The following SLC71A2 variants were observed in gnomAD, a reference collection of about 807,000 sequenced individuals.
The protein encoded by SLC71A2 is solute carrier family 71 member 2.
the SLC71A2 span, among the ~76,000 whole-genome samples, chr9:94,375,338 T>A: frequency 6.6e-6 from 1 of 151,850 alleles, no homozygotes. Flanking sequence ...TGCTGCTCCT[T>A]CCGTGTTCTC....
At chr9:94,451,556 A>C in the SLC71A2 span, 1 of 1,210,368 alleles carries the variant, frequency 8.3e-7, no homozygotes, top group South Asian at 1.5e-5. Context: ...ATACTTAAAA[A>C]ATTTAAAAAA....
chr9:94,440,892 G>T, the SLC71A2 span: 1 of 677,694 alleles, frequency 1.5e-6, no homozygotes, highest in East Asian at 2.6e-5. Flanking sequence ...CTTATTTCTT[G>T]GTGCGTAATC....
the SLC71A2 span, among the ~76,000 whole-genome samples, chr9:94,440,029 G>T: frequency 2.0e-5 from 3 of 152,084 alleles, no homozygotes; most frequent in Admixed American, 2.0e-4. Context: ...TCATCATTAG[G>T]TGTTAAGCTG....
chr9:94,405,053 A>G, the SLC71A2 span, among the ~76,000 whole-genome samples: 1 of 152,026 alleles, frequency 6.6e-6, no homozygotes, highest in Non-Finnish European at 1.5e-5. Flanking sequence ...CATTCTTTTT[A>G]ATGTGGATAT....
the SLC71A2 span, among the ~76,000 whole-genome samples, chr9:94,404,409 C>T: frequency 6.6e-6 from 1 of 152,064 alleles, no homozygotes; most frequent in Non-Finnish European, 1.5e-5. Context: ...AGTTCTTCTG[C>T]TTCAGCCCCC....
At chr9:94,441,050 A>G in the SLC71A2 span, 33 of 1,611,420 alleles carry the variant, frequency 2.0e-5, no homozygotes, top group Admixed American at 1.2e-4. Context: ...ATATTTGCCT[A>G]TGTAGCTGAT....
chr9:94,446,839 G>T, the SLC71A2 span: 1 of 1,602,548 alleles, frequency 6.2e-7, no homozygotes, highest in East Asian at 2.2e-5. Context: ...AAGAAAGTTG[G>T]AAAAGATTCT....
At chr9:94,411,716 T>C in the SLC71A2 span, among the ~76,000 whole-genome samples, 3 of 151,718 alleles carry the variant, frequency 2.0e-5, no homozygotes, top group African/African-American at 7.3e-5. Context: ...TCAGCCTCCC[T>C]AGTAGCTGGG....
chr9:94,459,452 G>C, the SLC71A2 span: 5 of 1,606,766 alleles, frequency 3.1e-6, no homozygotes, highest in South Asian at 5.5e-5. Context: ...CCATCTCTGA[G>C]AGCCATGGAG....
chr9:94,437,847 A>G, the SLC71A2 span, among the ~76,000 whole-genome samples: 4 of 146,440 alleles, frequency 2.7e-5, no homozygotes, highest in East Asian at 2.0e-4. Flanking sequence ...GCTCTTTTCT[A>G]ATTTCTTCTG....
chr9:94,414,241 C>G, the SLC71A2 span, among the ~76,000 whole-genome samples: 3 of 152,144 alleles, frequency 2.0e-5, no homozygotes, highest in Non-Finnish European at 4.4e-5. Flanking sequence ...AAAAAGTTCA[C>G]TCTGAGTGTA....
At chr9:94,451,483 G>A in the SLC71A2 span, 1 of 1,570,330 alleles carries the variant, frequency 6.4e-7, no homozygotes, top group Non-Finnish European at 8.6e-7. Flanking sequence ...TGTTAAAATT[G>A]CAGCATTCAT....
At chr9:94,429,735 C>T in the SLC71A2 span, among the ~76,000 whole-genome samples, 2 of 151,640 alleles carry the variant, frequency 1.3e-5, no homozygotes, top group Non-Finnish European at 2.9e-5. Flanking sequence ...GGCTTTAAAC[C>T]GTTTTCCTGT....
chr9:94,406,702 C>G, the SLC71A2 span, among the ~76,000 whole-genome samples: 4 of 152,180 alleles, frequency 2.6e-5, no homozygotes, highest in Admixed American at 1.3e-4. Context: ...TTCATTTTAA[C>G]ATTGTTAATC....
At chr9:94,409,858 T>C in the SLC71A2 span, among the ~76,000 whole-genome samples, 3 of 148,734 alleles carry the variant, frequency 2.0e-5, no homozygotes, top group Non-Finnish European at 4.4e-5. Flanking sequence ...TTCAAACTTG[T>C]TTTACAGTCT....
At chr9:94,438,614 A>G in the SLC71A2 span, 6 of 1,552,288 alleles carry the variant, frequency 3.9e-6, no homozygotes, top group East Asian at 4.5e-5. Flanking sequence ...CTTCTTAACT[A>G]TTACAAAGCA....
At chr9:94,382,141 C>T in the SLC71A2 span, among the ~76,000 whole-genome samples, 1 of 151,978 alleles carries the variant, frequency 6.6e-6, no homozygotes, top group South Asian at 2.1e-4. Context: ...ATTCTCCCAC[C>T]TCAGCCTCTC....
At chr9:94,442,702 T>C in the SLC71A2 span, among the ~76,000 whole-genome samples, 3 of 151,912 alleles carry the variant, frequency 2.0e-5, no homozygotes, top group African/African-American at 7.3e-5. Flanking sequence ...ATACAAAAAT[T>C]AGCCGAGCGT....
chr9:94,390,267 G>A, the SLC71A2 span, among the ~76,000 whole-genome samples: 1 of 149,640 alleles, frequency 6.7e-6, no homozygotes, highest in African/African-American at 2.5e-5. Context: ...CGCTCATAAG[G>A]GAAACAGACA....
Sources: allele counts gnomAD v4.1 joint callset (sites outside exome capture counted in the v4.1 genomes callset), GRCh38; gene constraint gnomAD v4.1.1; transcripts MANE v1.5; gene names NCBI Gene and HGNC (gene_info 2026-07-23, HGNC 2026-07-21).